SORCS2: variants seen among roughly 807,000 people sequenced by gnomAD.
SORCS2 encodes the protein VPS10 domain-containing receptor SorCS2.
SORCS2 carries 100 observed loss-of-function variants against 141.6 expected under a neutral mutation model. The ratio of observed to expected loss-of-function variants is 0.71; its 90% CI spans 0.60 to 0.83. The LOEUF (loss-of-function observed/expected upper bound fraction) is 0.83, where lower values mean the gene tolerates loss of function less well. Ranked by LOEUF, SORCS2 falls within the 40% of genes least tolerant of loss-of-function variation. The pLI, the probability that SORCS2 is intolerant of heterozygous loss-of-function variation, is 0.00. For synonymous variants in SORCS2, 789 were observed against 676.9 expected (o/e 1.17, Z -2.57); for missense variants, 1,646 against 1,560.2 (o/e 1.05, Z -0.93).
chr4:7,344,882 A>T (rs1720567542), intron 1 of SORCS2, among the ~76,000 whole-genome samples: 10 of 152,158 alleles, frequency 6.6e-5, no homozygotes, highest in Admixed American at 6.5e-4. Flanking sequence ...AGCACAGTGG[A>T]TCGGAGGGGG....
At chr4:7,325,996 T>C (rs549125377) in intron 1 of SORCS2, among the ~76,000 whole-genome samples, 1 of 152,180 alleles carries the variant, frequency 6.6e-6, no homozygotes, top group Admixed American at 6.5e-5. Context: ...AGGGAGGGCT[T>C]CTCATGGGAA....
intron 10 of SORCS2, among the ~76,000 whole-genome samples, chr4:7,687,856 G>A (rs1039623588): frequency 2.0e-5 from 3 of 152,188 alleles, no homozygotes; most frequent in South Asian, 4.2e-4. Flanking sequence ...GGAAGGCCCC[G>A]ATCCTTAGCT....
chr4:7,343,132 A>T (rs1022186524), intron 1 of SORCS2, among the ~76,000 whole-genome samples: 4 of 152,170 alleles, frequency 2.6e-5, no homozygotes, highest in African/African-American at 4.8e-5. Context: ...GAGCATTAGG[A>T]GGGCAGAGGT....
chr4:7,483,239 C>T (rs1011740321), intron 2 of SORCS2, among the ~76,000 whole-genome samples: 7 of 148,516 alleles, frequency 4.7e-5, no homozygotes, highest in Admixed American at 1.4e-4. Flanking sequence ...AGGAGGATGG[C>T]GTGAACCCGG....
chr4:7,244,040 C>T (rs1712900782), intron 1 of SORCS2, among the ~76,000 whole-genome samples: 1 of 152,250 alleles, frequency 6.6e-6, no homozygotes, highest in Non-Finnish European at 1.5e-5. Flanking sequence ...GGAGTCACCT[C>T]TGTCTCTTTG....
intron 1 of SORCS2, among the ~76,000 whole-genome samples, chr4:7,339,925 A>T (rs575816949): frequency 6.6e-6 from 1 of 152,344 alleles, no homozygotes; most frequent in African/African-American, 2.4e-5. Context: ...GCTGCCATGC[A>T]TCAGGGCTGC....
chr4:7,226,072 C>G lies in SORCS2; in HGVS notation c.480+32946C>G, dbSNP rs904683624. ...GTGAGAAAACGTGGCTCCGGAGGGT[C>G]TGGACCCCCAAAGCAGCCTCTATAG... On this transcript the variant is annotated intron_variant, in intron 1 of 26. Coordinates refer to ENST00000507866, the MANE Select transcript of SORCS2 (RefSeq NM_020777.3). Among the ~76,000 whole-genome samples, 17 of 152,288 alleles carry G rather than the reference C, an allele frequency of 1.1e-4. 1 individual carries two copies. Among genetic ancestry groups the G allele is most frequent in the Admixed American group, 1.1e-3 (17 of 15,300 alleles).
At chr4:7,699,152 G>T (rs998416602) in intron 12 of SORCS2, among the ~76,000 whole-genome samples, 1 of 152,178 alleles carries the variant, frequency 6.6e-6, no homozygotes, top group Non-Finnish European at 1.5e-5. Context: ...TCAGTGTGTG[G>T]GGGAGGCAGG....
intron 2 of SORCS2, among the ~76,000 whole-genome samples, chr4:7,500,208 C>T (rs899022679): frequency 3.9e-5 from 6 of 152,176 alleles, no homozygotes; most frequent in East Asian, 1.9e-4. Flanking sequence ...GTCCCCTGCA[C>T]GAGCTGCCCA....
chr4:7,522,637 CCTCCCTCCTTTT>C (rs1733401981), intron 2 of SORCS2, among the ~76,000 whole-genome samples: 1 of 151,480 alleles, frequency 6.6e-6, no homozygotes, highest in Non-Finnish European at 1.5e-5. Context: ...CCTCCCTCCT[CCTCCCTCCTTTT>C]CTCCCTCCTT....
chr4:7,332,815 TG>T (rs761545826), intron 1 of SORCS2, among the ~76,000 whole-genome samples: 37 of 152,138 alleles, frequency 2.4e-4, no homozygotes, highest in Non-Finnish European at 4.4e-4. Context: ...CCACTGGGGA[TG>T]GGGCAGAGTG....
At chr4:7,680,972 C>G (rs912734570) in intron 9 of SORCS2, among the ~76,000 whole-genome samples, 3 of 152,166 alleles carry the variant, frequency 2.0e-5, no homozygotes, top group African/African-American at 7.2e-5. Context: ...TGGATTTTAC[C>G]CAGAGCTCAC....
intron 3 of SORCS2, among the ~76,000 whole-genome samples, chr4:7,612,574 C>G (rs983069071): frequency 6.6e-6 from 1 of 152,138 alleles, no homozygotes; most frequent in Non-Finnish European, 1.5e-5. Flanking sequence ...CCACTAAGAC[C>G]CCAGCCTGCC....
chr4:7,725,005 A>ATGGTGGTGGTGGTGGTGATGG, intron 19 of SORCS2, 149 bp from the exon 20 acceptor site: 1 of 804,168 alleles, frequency 1.2e-6, no homozygotes, highest in South Asian at 1.7e-5. Context: ...AGTAGTGGTG[A>ATGGTGGTGGTGGTGGTGATGG]TGGTGGTGGT....
Position 7,286,086 on chromosome 4 carries a change from T to C in SORCS2, c.480+92960T>C, listed in dbSNP as rs1347345993. ...CATCCATCTTCCCGGTGCCTCTTTG[T>C]GGTGGGTGTAACTGTCAGCATCCTT... On this transcript the variant is annotated intron_variant, in intron 1 of 26. Transcript: ENST00000507866. The surrounding 1 kb of genome is among the most constrained non-coding windows in gnomAD (Gnocchi z 4.1). Among the ~76,000 whole-genome samples, 1 of 152,112 alleles carries C rather than the reference T, an allele frequency of 6.6e-6. No homozygotes were observed. The highest frequency in any genetic ancestry group is 1.5e-5 in the Non-Finnish European group (1 of 68,020).
At position 7,537,117 on chromosome 4, in the gene SORCS2, T is replaced by A. The variant is rs189348899; in HGVS notation, c.648+5488T>A. On this transcript the variant is annotated intron_variant, in intron 3 of 26. Transcript: ENST00000507866. ...GCAAGCACAGCCCGGCCCGCTTGGC[T>A]GGGGGCTAGAAATCAGCAGCTCCTT... Among the ~76,000 whole-genome samples the A allele has an allele frequency of 3.0e-3, 461 of 152,304 alleles. 4 individuals carry two copies. The highest frequency in any genetic ancestry group is 0.01 in the African/African-American group (422 of 41,560).
At chr4:7,715,421 G>A (rs941746672) in intron 17 of SORCS2, 110 bp downstream of exon 17, 2 of 1,495,890 alleles carry the variant, frequency 1.3e-6, no homozygotes, top group Non-Finnish European at 1.8e-6. Flanking sequence ...CTCCCAAGTG[G>A]AGTCGGGGAA....
chr4:7,371,482 G>A (rs143829890), intron 1 of SORCS2, among the ~76,000 whole-genome samples: 2 of 152,194 alleles, frequency 1.3e-5, no homozygotes, highest in African/African-American at 2.4e-5. Context: ...TCCACATTTC[G>A]TTGTGTTGGT....
intron 1 of SORCS2, among the ~76,000 whole-genome samples, chr4:7,324,962 G>A (rs1019849433): frequency 2.6e-5 from 4 of 152,228 alleles, no homozygotes; most frequent in Non-Finnish European, 4.4e-5. Context: ...TCTGCTGAGC[G>A]CCCTGGCCTG....
Sources: gnomAD v4.1 joint callset for allele counts (sites outside exome capture counted in the v4.1 genomes callset) on GRCh38, gnomAD v4.1.1 for gene constraint, Gnocchi (gnomAD v3.1) non-coding constraint, MANE v1.5 for transcripts, NCBI Gene and HGNC (gene_info 2026-07-23, HGNC 2026-07-21) for gene names.